The following ZNHIT1 variants were observed in gnomAD, a reference collection of about 807,000 sequenced individuals.
ZNHIT1 encodes zinc finger HIT domain-containing protein 1.
In ZNHIT1, 20 loss-of-function variants were observed where a neutral mutation model predicts 21.4. That is an observed-to-expected ratio of 0.93 (90% CI 0.66 to 1.36). The LOEUF (loss-of-function observed/expected upper bound fraction) is 1.36, where lower values mean the gene tolerates loss of function less well. Among genes scored for constraint, ZNHIT1 ranks in the 40% most tolerant of loss-of-function variants. ZNHIT1 has a pLI of 0.00. For missense variants in ZNHIT1, 170 were observed against 213.5 expected, an observed-to-expected ratio of 0.80 and a Z score of 1.27; for synonymous variants, 79 against 84.0, an observed-to-expected ratio of 0.94 and a Z score of 0.32.
intron 1 of ZNHIT1, chr7:101,218,433 C>A: frequency 1.8e-6 from 1 of 564,964 alleles, no homozygotes; most frequent in Non-Finnish European, 3.1e-6. Flanking sequence ...GGCCCCACGC[C>A]TGGTTAATTT....
At chr7:101,218,315 C>G (rs1212140661) in intron 1 of ZNHIT1, 98 bp downstream of exon 1, 1 of 1,424,700 alleles carries the variant, frequency 7.0e-7, no homozygotes. Context: ...GCTCTTTCGC[C>G]TAGGCTGGAG....
chr7:101,222,639 G>C lies in ZNHIT1; in HGVS notation c.58G>C (p.Asp20His). 6.2e-7 allele frequency: 1 copy of C among 1,613,366 alleles called. No homozygotes were observed. Among genetic ancestry groups the C allele is most frequent in the Non-Finnish European group, 8.5e-7 (1 of 1,179,562 alleles). ...GGACCCCGGGCAGCGGCGGGTGCTG[G>C]ACCGGGCTGCCCGGCAGCGTCGCAT... ...SQDPGQRRVLDRAARQRRINR... is the reference protein window; with the variant it reads ...SQDPGQRRVLHRAARQRRINR... The change falls in exon 2 of 5, where the codon GAC (aspartate) becomes CAC (histidine). Residue 20 changes from aspartate (D) to histidine (H), a missense_variant. Transcript: ENST00000305105.
In ZNHIT1 at chr7:101,218,212, C is replaced by G. The variant is rs1315117647; in HGVS notation, c.17C>G (p.Thr6Ser). The change falls in exon 1 of 5, where the codon ACT becomes AGT. Residue 6 changes from threonine (T) to serine (S), a missense_variant. Thr to Ser is a moderately conservative substitution (Grantham distance 58). Transcript: ENST00000305105. ...GTTGTGCCAATGGTGGAGAAGAAAACTTCGGGTATGTGAGCCCCCGCGGTT... is the reference window on the plus strand; with the variant it reads ...GTTGTGCCAATGGTGGAGAAGAAAAGTTCGGGTATGTGAGCCCCCGCGGTT... Reference protein sequence around the residue: MVEKKTSVRSQDPGQR... With the variant: MVEKKSSVRSQDPGQR... 3 of 1,613,194 alleles carry G rather than the reference C, an allele frequency of 1.9e-6. No individual in the cohort carries two copies. Among genetic ancestry groups the G allele is most frequent in the South Asian group, 1.1e-5 (1 of 91,036 alleles).
intron 1 of ZNHIT1, chr7:101,221,915 G>T (rs1178553627): frequency 6.6e-6 from 1 of 152,158 alleles, no homozygotes; most frequent in African/African-American, 2.4e-5. Flanking sequence ...GACCAGGCAG[G>T]TGTCAGATTT....
intron 1 of ZNHIT1, chr7:101,221,915 G>A (rs1178553627): frequency 6.6e-6 from 1 of 152,158 alleles, no homozygotes; most frequent in African/African-American, 2.4e-5. Context: ...GACCAGGCAG[G>A]TGTCAGATTT....
At chr7:101,222,878 C>A in intron 2 of ZNHIT1, 104 bp downstream of exon 2, 1 of 1,447,872 alleles carries the variant, frequency 6.9e-7, no homozygotes, top group Non-Finnish European at 9.3e-7. Flanking sequence ...GGTGCCTCTG[C>A]CAGTGACTGG....
At chr7:101,221,852 G>T (rs751884452) in intron 1 of ZNHIT1, 1 of 152,124 alleles carries the variant, frequency 6.6e-6, no homozygotes, top group Non-Finnish European at 1.5e-5. Flanking sequence ...GAGGAGGAAG[G>T]CACACTGGAG....
At chr7:101,223,372 C>T in intron 2 of ZNHIT1, 105 bp from the exon 3 acceptor site, 1 of 1,270,308 alleles carries the variant, frequency 7.9e-7, no homozygotes, top group Non-Finnish European at 1.1e-6. Flanking sequence ...GTGAGACTGT[C>T]TCAAAAAGAA....
In ZNHIT1 at chr7:101,223,655, G is replaced by A. The variant is rs565536941; in HGVS notation, c.274-18G>A. 3.7e-6 allele frequency: 6 copies of A among 1,611,380 alleles called. No individual in the cohort carries two copies. The highest frequency in any genetic ancestry group is 2.7e-5 in the African/African-American group (2 of 74,904). ...GGGTGGGCGGAGGAGTTCTAGAGCC[G>A]GCCCCTTGTCTCTGCAGAACTTGAG... On this transcript the variant is annotated intron_variant, in intron 3 of 4. Transcript: ENST00000305105.
At position 101,218,293 on chromosome 7, in the gene ZNHIT1, T is replaced by A. The variant is rs922936912; in HGVS notation, c.22+76T>A. ...GAATTTTCTTACCTAGTCATTCCTC[T>A]TTTTTGGTCTCGCTCTTTCGCCTAG... is the stretch of plus-strand genomic sequence containing the variant. On this transcript the variant is annotated intron_variant, in intron 1 of 4. Coordinates refer to ENST00000305105, the MANE Select transcript of ZNHIT1 (RefSeq NM_006349.3). 20 of 1,517,168 alleles carry A rather than the reference T, an allele frequency of 1.3e-5. No homozygotes were observed. The Admixed American group carries it at 3.4e-4, about 26-fold the overall frequency. The allele number at this position is 1,517,168 out of a possible 1,614,324, so 94.0% of individuals were successfully genotyped here.
In ZNHIT1 at chr7:101,218,225, A is replaced by G; in HGVS notation, c.22+8A>G. 1.2e-6 allele frequency: 2 copies of G among 1,612,328 alleles called. No homozygotes were observed. Among genetic ancestry groups the G allele is most frequent in the Non-Finnish European group, 1.7e-6 (2 of 1,179,058 alleles). On this transcript the variant is annotated splice_region_variant and intron_variant, in intron 1 of 4. Coordinates refer to ENST00000305105, the MANE Select transcript of ZNHIT1 (RefSeq NM_006349.3). ...TGGAGAAGAAAACTTCGGGTATGTG[A>G]GCCCCCGCGGTTCGCCCCCTTCCCC...
At position 101,218,202 on chromosome 7, in the gene ZNHIT1, G is replaced by C. The variant is rs765220115; in HGVS notation, c.7G>C (p.Glu3Gln). 1 of 1,613,284 alleles carries C rather than the reference G, an allele frequency of 6.2e-7. No individual in the cohort carries two copies. Among genetic ancestry groups the C allele is most frequent in the Non-Finnish European group, 8.5e-7 (1 of 1,179,508 alleles). ...CGACAGTTGTGTTGTGCCAATGGTG[G>C]AGAAGAAAACTTCGGGTATGTGAGC... MV[E>Q]KKTSVRSQDP... The change falls in exon 1 of 5, where the codon GAG (glutamate) becomes CAG (glutamine). Residue 3 changes from glutamate to glutamine, a missense_variant. Physicochemically the swap from Glu to Gln is conservative, Grantham distance 29. Transcript: ENST00000305105.
chr7:101,218,762 G>A (rs2116817217), intron 1 of ZNHIT1: 1 of 153,950 alleles, frequency 6.5e-6, no homozygotes, highest in East Asian at 1.9e-4. Flanking sequence ...ATTTTACTGT[G>A]ATTTGTGATT....
intron 1 of ZNHIT1, 127 bp downstream of exon 1, chr7:101,218,344 G>A: frequency 1.0e-6 from 1 of 1,002,938 alleles, no homozygotes; most frequent in South Asian, 1.6e-5. Flanking sequence ...CATAGTCATA[G>A]CTCACTGCAG....
rs139189299 is a variant in ZNHIT1 at position 101,223,690 on chromosome 7, G to A, written c.291G>A (p.Glu97=). 29 of 1,610,722 alleles carry A rather than the reference G, an allele frequency of 1.8e-5. No individual in the cohort carries two copies. The African/African-American group carries it at 3.5e-4, about 19-fold the overall frequency. Residue 97 remains glutamate (E), a synonymous_variant, in exon 4 of 5, where the codon GAG becomes GAA. Transcript: ENST00000305105. ...CTCTGCAGAACTTGAGTGTGGCCGA[G>A]GGCCCTAACTACCTGACGGCCTGTG... is the stretch of plus-strand genomic sequence containing the variant. ...LLEEQNLSVA[E]GPNYLTACAG... is the part of the protein sequence containing the mutation.
intron 1 of ZNHIT1, chr7:101,220,663 G>C (rs1224257971): frequency 6.6e-6 from 1 of 152,196 alleles, no homozygotes; most frequent in Non-Finnish European, 1.5e-5. Context: ...TTATTATTAT[G>C]CTTAACAGGT....
Position 101,223,525 on chromosome 7 carries a change from G to A in ZNHIT1, c.242G>A (p.Arg81Gln), listed in dbSNP as rs1554380977. 1.9e-6 allele frequency: 3 copies of A among 1,614,050 alleles called. No individual in the cohort carries two copies. The highest frequency in any genetic ancestry group is 2.5e-6 in the Non-Finnish European group (3 of 1,180,024). ...GGTGATCATTTTAAACTTCGCTTCCGAAAAAACTTTCAGGCCCTGTTGGAG... is the reference window on the plus strand; with the variant it reads ...GGTGATCATTTTAAACTTCGCTTCCAAAAAAACTTTCAGGCCCTGTTGGAG... ...TRGDHFKLRF[R>Q]KNFQALLEEQ... Residue 81 changes from arginine to glutamine, a missense_variant, in exon 3 of 5, where the codon CGA becomes CAA. Transcript: ENST00000305105.
intron 1 of ZNHIT1, chr7:101,219,232 T>C (rs950544636): frequency 3.3e-5 from 5 of 151,574 alleles, no homozygotes; most frequent in African/African-American, 7.3e-5. Context: ...GCCACCTGAG[T>C]AGGTGGAACT....
At chr7:101,220,000 T>G (rs528333804) in intron 1 of ZNHIT1, 21 of 152,344 alleles carry the variant, frequency 1.4e-4, no homozygotes, top group African/African-American at 5.1e-4. Flanking sequence ...TGTTTGCCAC[T>G]GGACTGTAAG....
Sources: allele counts gnomAD v4.1 joint callset, GRCh38; gene constraint gnomAD v4.1.1; transcripts MANE v1.5; gene names NCBI Gene and HGNC (gene_info 2026-07-23, HGNC 2026-07-21).